Variants in COPS3 observed in about 807,000 individuals in gnomAD.
COPS3 encodes the protein COP9 signalosome complex subunit 3.
Under a neutral mutation model 58.2 loss-of-function variants are expected in COPS3, and 10 were observed. That is an observed-to-expected ratio of 0.17 (90% CI 0.11 to 0.29). COPS3 has a LOEUF of 0.29. Among genes scored for constraint, COPS3 ranks in the 10% least tolerant of loss-of-function variants. The pLI, the probability that COPS3 is intolerant of heterozygous loss-of-function variation, is 1.00. For synonymous variants in COPS3, 187 were observed against 181.7 expected (o/e 1.03, Z -0.24); for missense variants, 333 against 510.1 (o/e 0.65, Z 3.34).
chr17:17,275,402 A>T (rs2048440377), intron 2 of COPS3, among the ~76,000 whole-genome samples: 1 of 148,936 alleles, frequency 6.7e-6, no homozygotes, highest in Non-Finnish European at 1.5e-5. Flanking sequence ...AACTGATTTT[A>T]TTTTTTTGAG....
At chr17:17,265,279 A>G (rs939535329) in intron 5 of COPS3, among the ~76,000 whole-genome samples, 5 of 152,180 alleles carry the variant, frequency 3.3e-5, no homozygotes, top group African/African-American at 9.6e-5. Context: ...TTGGCATTCT[A>G]AAGATTTCAG....
At chr17:17,272,377 C>T (rs911607512) in intron 2 of COPS3, among the ~76,000 whole-genome samples, 6 of 151,750 alleles carry the variant, frequency 4.0e-5, no homozygotes, top group African/African-American at 7.3e-5. Context: ...GAGCTGAGAT[C>T]GTGCCACTGC....
chr17:17,255,858 A>AT (rs2047962154), intron 8 of COPS3, among the ~76,000 whole-genome samples: 1 of 148,000 alleles, frequency 6.8e-6, no homozygotes, highest in Non-Finnish European at 1.5e-5. Flanking sequence ...AAATAAATAA[A>AT]TAAATAAATA....
chr17:17,280,453 G>C (rs2048552560), intron 1 of COPS3: 1 of 766,176 alleles, frequency 1.3e-6, no homozygotes, highest in Admixed American at 4.9e-5. Flanking sequence ...TCAGCTACTC[G>C]GGAGGCTGAG....
intron 8 of COPS3, among the ~76,000 whole-genome samples, chr17:17,255,897 C>T (rs1597666886): frequency 1.5e-5 from 2 of 136,320 alleles, no homozygotes. Context: ...AGGCTGGGCA[C>T]GGTGGCTCAT....
At chr17:17,263,365 T>C (rs554904976) in intron 6 of COPS3, among the ~76,000 whole-genome samples, 1 of 151,958 alleles carries the variant, frequency 6.6e-6, no homozygotes, top group East Asian at 2.0e-4. Context: ...CAGGCCCAGC[T>C]AATTTTTGCA....
intron 4 of COPS3, among the ~76,000 whole-genome samples, chr17:17,268,847 CA>C (rs200206343): frequency 1.2e-3 from 58 of 48,602 alleles, no homozygotes; most frequent in African/African-American, 5.5e-3. Context: ...ACAACAACAA[CA>C]AAAATATATA....
chr17:17,257,089 C>T (rs2047991453), intron 8 of COPS3, among the ~76,000 whole-genome samples: 2 of 152,120 alleles, frequency 1.3e-5, no homozygotes, highest in South Asian at 2.1e-4. Flanking sequence ...GTAGGCCAGG[C>T]GCGGTGGCTC....
chr17:17,264,692 C>T, intron 6 of COPS3, 110 bp downstream of exon 6: 1 of 816,024 alleles, frequency 1.2e-6, no homozygotes, highest in Non-Finnish European at 1.9e-6. Flanking sequence ...AAAGGACCAA[C>T]ACCTGAAACG....
chr17:17,261,507 CAA>C (rs1320077645), intron 7 of COPS3: 7 of 293,626 alleles, frequency 2.4e-5, no homozygotes, highest in East Asian at 1.3e-4. Flanking sequence ...GCTTTGGTGA[CAA>C]GAGCAAAACT....
At chr17:17,258,602 GTTTTTAATGGCAGCTGT>G (rs765600720) in intron 8 of COPS3, among the ~76,000 whole-genome samples, 2 of 152,170 alleles carry the variant, frequency 1.3e-5, no homozygotes, top group Admixed American at 1.3e-4. Flanking sequence ...CAGAGTTTGT[GTTTTTAATGGCAGCTGT>G]TTTTTAATGG....
At chr17:17,261,097 A>G (rs185430610) in intron 7 of COPS3, among the ~76,000 whole-genome samples, 144 of 152,376 alleles carry the variant, frequency 9.5e-4, no homozygotes, top group African/African-American at 3.2e-3. Flanking sequence ...ACACGTCTTC[A>G]TCAGTGCTTC....
chr17:17,266,996 C>A (rs1400488447), intron 5 of COPS3, among the ~76,000 whole-genome samples: 1 of 150,816 alleles, frequency 6.6e-6, no homozygotes, highest in East Asian at 2.1e-4. Context: ...GCGTGAACCA[C>A]TGCACCTGGC....
chr17:17,269,895 G>A (rs1175035678), intron 4 of COPS3, among the ~76,000 whole-genome samples: 3 of 152,168 alleles, frequency 2.0e-5, no homozygotes, highest in Non-Finnish European at 4.4e-5. Context: ...GGTGGCTCAC[G>A]CCTGTAATCC....
Position 17,260,464 on chromosome 17 carries a change from T to A in COPS3, c.773A>T (p.Asn258Ile). The change falls in exon 8 of 12, where the codon AAT (asparagine) becomes ATT (isoleucine). Residue 258 changes from asparagine to isoleucine, a missense_variant. Coordinates refer to ENST00000268717, the MANE Select transcript of COPS3 (RefSeq NM_003653.4). The stretch of plus-strand genomic sequence containing the variant: ...CACTTGTGCTAACTCGTGGTATGCA[T>A]TGCTAAGAGGCTAAAGATGCAAAGG... ...IVGRFIKPLSNAYHELAQVYS... is the reference protein window; with the variant it reads ...IVGRFIKPLSIAYHELAQVYS... 6.2e-7 allele frequency: 1 copy of A among 1,614,084 alleles called. No individual in the cohort carries two copies. The highest frequency in any genetic ancestry group is 8.5e-7 in the Non-Finnish European group (1 of 1,179,992).
intron 6 of COPS3, 23 bp downstream of exon 6, chr17:17,264,779 C>G: frequency 6.3e-7 from 1 of 1,589,234 alleles, no homozygotes. Context: ...AGAACAACCT[C>G]AGCTAATTTT....
intron 5 of COPS3, 102 bp downstream of exon 5, chr17:17,267,783 A>T: frequency 8.3e-7 from 1 of 1,199,310 alleles, no homozygotes; most frequent in Non-Finnish European, 1.2e-6. Flanking sequence ...AACACATCAC[A>T]ATATCGCCAA....
chr17:17,263,087 G>T (rs2048139928), intron 6 of COPS3, among the ~76,000 whole-genome samples: 1 of 151,782 alleles, frequency 6.6e-6, no homozygotes, highest in African/African-American at 2.4e-5. Context: ...AGGAGATCAA[G>T]ACCATCCTGG....
intron 7 of COPS3, 72 bp downstream of exon 7, chr17:17,261,894 A>C: frequency 7.4e-7 from 1 of 1,356,346 alleles, no homozygotes; most frequent in Non-Finnish European, 1.0e-6. Flanking sequence ...AAGTTACAGA[A>C]CTGTATCATT....
Sources: gnomAD v4.1 joint callset for allele counts (sites outside exome capture counted in the v4.1 genomes callset) on GRCh38, gnomAD v4.1.1 for gene constraint, MANE v1.5 for transcripts, NCBI Gene and HGNC (gene_info 2026-07-23, HGNC 2026-07-21) for gene names.